The following TMEM178B variants were observed in gnomAD, a reference collection of about 807,000 sequenced individuals.
The protein encoded by TMEM178B is transmembrane protein 178B.
In TMEM178B, 5 loss-of-function variants were observed where a neutral mutation model predicts 31.0. The ratio of observed to expected loss-of-function variants is 0.16; its 90% confidence interval spans 0.08 to 0.34. TMEM178B has a LOEUF of 0.34. TMEM178B is among the 10% of genes least tolerant of loss of function. The pLI, the probability that TMEM178B is intolerant of heterozygous loss-of-function variation, is 1.00. For synonymous variants in TMEM178B, 164 were observed against 164.0 expected (o/e 1.00, Z 0.00); for missense variants, 275 against 400.3 (o/e 0.69, Z 2.67).
chr7:141,109,944 C>T (rs959137275), intron 1 of TMEM178B, among the ~76,000 whole-genome samples: 4 of 151,380 alleles, frequency 2.6e-5, no homozygotes, highest in Non-Finnish European at 5.9e-5. Flanking sequence ...CTGTCTCTGT[C>T]GCTCTCTCTC....
At chr7:141,190,292 G>A (rs978011385) in intron 1 of TMEM178B, among the ~76,000 whole-genome samples, 4 of 152,186 alleles carry the variant, frequency 2.6e-5, no homozygotes, top group South Asian at 4.2e-4. Context: ...TTATAACAAA[G>A]TGTTGGATAT....
chr7:141,388,149 G>A (rs1325963421), intron 2 of TMEM178B, among the ~76,000 whole-genome samples: 3 of 152,170 alleles, frequency 2.0e-5, no homozygotes, highest in South Asian at 2.1e-4. Context: ...CTTGAGCATG[G>A]TATCAGGTGG....
chr7:141,236,371 C>A (rs1185841357), intron 2 of TMEM178B, among the ~76,000 whole-genome samples: 1 of 152,184 alleles, frequency 6.6e-6, no homozygotes, highest in East Asian at 1.9e-4. Context: ...TTACCAGGAC[C>A]CCTGGGAAGA....
At chr7:141,490,390 G>A in the TMEM178B span, among the ~76,000 whole-genome samples, 1 of 152,310 alleles carries the variant, frequency 6.6e-6, no homozygotes, top group East Asian at 1.9e-4. Context: ...ACAGAGACGT[G>A]CACATAGGGA....
At chr7:141,192,214 C>T (rs1796708056) in intron 1 of TMEM178B, among the ~76,000 whole-genome samples, 1 of 152,076 alleles carries the variant, frequency 6.6e-6, no homozygotes, top group Non-Finnish European at 1.5e-5. Context: ...GAGGCAGAGC[C>T]CTACTGGGAA....
intron 2 of TMEM178B, among the ~76,000 whole-genome samples, chr7:141,385,150 G>A (rs1800407834): frequency 6.6e-6 from 1 of 152,162 alleles, no homozygotes; most frequent in Non-Finnish European, 1.5e-5. Flanking sequence ...ACTACAAAGA[G>A]AATCTTTTCC....
intron 1 of TMEM178B, among the ~76,000 whole-genome samples, chr7:141,151,340 A>C (rs535526491): frequency 6.6e-6 from 1 of 152,318 alleles, no homozygotes; most frequent in East Asian, 1.9e-4. Context: ...GGTGGGGATT[A>C]TTCTTCTTCA....
At chr7:141,099,832 CT>C (rs11372173) in intron 1 of TMEM178B, among the ~76,000 whole-genome samples, 74 of 141,768 alleles carry the variant, frequency 5.2e-4, no homozygotes, top group Middle Eastern at 3.6e-3. Flanking sequence ...AACGGTGTCT[CT>C]TTTTTTTTTT....
At chr7:141,289,489 G>A (rs217014) in intron 2 of TMEM178B, among the ~76,000 whole-genome samples, 15,310 of 152,136 alleles carry the variant, frequency 0.1, 1,137 homozygotes, top group African/African-American at 0.2. Flanking sequence ...ACCGAGGCAG[G>A]CAGATCACAT....
chr7:141,378,689 T>C (rs553811458), intron 2 of TMEM178B, among the ~76,000 whole-genome samples: 2 of 152,360 alleles, frequency 1.3e-5, no homozygotes, highest in South Asian at 4.1e-4. Context: ...CAGGCTAAAT[T>C]AGAAAAGCAT....
At chr7:141,448,143 A>C (rs546448635) in intron 3 of TMEM178B, among the ~76,000 whole-genome samples, 3 of 152,062 alleles carry the variant, frequency 2.0e-5, no homozygotes, top group African/African-American at 7.2e-5. Flanking sequence ...CTCTTTCCTT[A>C]TGTCAAAAGC....
the TMEM178B span, among the ~76,000 whole-genome samples, chr7:141,485,571 A>G: frequency 2.0e-5 from 3 of 152,252 alleles, no homozygotes; most frequent in Non-Finnish European, 4.4e-5. Context: ...TAAAATGTCA[A>G]TGGCCTGTGC....
At position 141,074,184 on chromosome 7, in the gene TMEM178B, C is replaced by A; in HGVS notation, c.-127C>A. 1 of 1,325,210 alleles carries A rather than the reference C, an allele frequency of 7.5e-7. No individual in the cohort carries two copies. Among genetic ancestry groups the A allele is most frequent in the East Asian group, 2.7e-5 (1 of 36,856 alleles). The allele number at this position is 1,325,210 out of a possible 1,614,324, so 82.1% of individuals were successfully genotyped here. A position where few individuals can be genotyped will look rare whatever the true frequency, so the allele number is the denominator to read the frequency against. On this transcript the variant is annotated 5_prime_UTR_variant, in exon 1 of 4. Transcript: ENST00000565468. The surrounding 1 kb of genome is among the most constrained non-coding windows in gnomAD (Gnocchi z 5.1). ...CTCCGGTAGGCGGGGGCCGAGGGGGCGCCGCGGCGCGAGTCCCTCTCCTGC... is the reference window on the plus strand; with the variant it reads ...CTCCGGTAGGCGGGGGCCGAGGGGGAGCCGCGGCGCGAGTCCCTCTCCTGC...
chr7:141,226,060 G>C (rs1797337068), intron 2 of TMEM178B, among the ~76,000 whole-genome samples: 1 of 152,156 alleles, frequency 6.6e-6, no homozygotes, highest in Non-Finnish European at 1.5e-5. Context: ...CATGGGTGTG[G>C]AGGTGACACA....
intron 3 of TMEM178B, among the ~76,000 whole-genome samples, chr7:141,444,043 CT>C (rs761436358): frequency 3.3e-5 from 5 of 152,118 alleles, no homozygotes; most frequent in Admixed American, 1.3e-4. Context: ...TGTTGGAGCA[CT>C]TAGTTTTTGG....
At chr7:141,394,290 A>T (rs932916380) in intron 2 of TMEM178B, among the ~76,000 whole-genome samples, 1 of 152,218 alleles carries the variant, frequency 6.6e-6, no homozygotes. Flanking sequence ...ATTTAGTGTC[A>T]TGGCAAGAAA....
chr7:141,100,229 G>A (rs1795032329), intron 1 of TMEM178B, among the ~76,000 whole-genome samples: 1 of 149,498 alleles, frequency 6.7e-6, no homozygotes, highest in African/African-American at 2.5e-5. Context: ...TTTTAAATAA[G>A]TAACTTGTAA....
At chr7:141,242,812 G>A (rs1211321777) in intron 2 of TMEM178B, among the ~76,000 whole-genome samples, 1 of 151,980 alleles carries the variant, frequency 6.6e-6, no homozygotes, top group African/African-American at 2.4e-5. Context: ...CAGAGTGCGG[G>A]GGTTACAGGC....
chr7:141,160,058 A>G (rs1322780345), intron 1 of TMEM178B, among the ~76,000 whole-genome samples: 1 of 12,528 alleles, frequency 8.0e-5, no homozygotes, highest in East Asian at 9.0e-4. Context: ...AATATATAAT[A>G]TATATATATA....
Sources: allele counts gnomAD v4.1 joint callset (sites outside exome capture counted in the v4.1 genomes callset), GRCh38; gene constraint gnomAD v4.1.1; non-coding constraint Gnocchi (gnomAD v3.1); transcripts MANE v1.5; gene names NCBI Gene and HGNC (gene_info 2026-07-23, HGNC 2026-07-21).